COL19A1: variants seen among roughly 807,000 people sequenced by gnomAD.
COL19A1 encodes the protein collagen type XIX alpha 1 chain.
Under a neutral mutation model 190.2 loss-of-function variants are expected in COL19A1, and 159 were observed. The observed-to-expected ratio is 0.84, with a 90% CI of 0.73 to 0.95. The LOEUF (loss-of-function observed/expected upper bound fraction) is 0.95, where lower values mean the gene tolerates loss of function less well. COL19A1 is among the 40% of genes least tolerant of loss of function. The pLI, the probability that COL19A1 is intolerant of heterozygous loss-of-function variation, is 0.00. For missense variants in COL19A1, 1,418 were observed against 1,431.9 expected, an observed-to-expected ratio of 0.99 and a Z score of 0.16; for synonymous variants, 509 against 458.9, an observed-to-expected ratio of 1.11 and a Z score of -1.39.
At chr6:70,065,542 G>A (rs1309024948) in intron 14 of COL19A1, among the ~76,000 whole-genome samples, 1 of 152,134 alleles carries the variant, frequency 6.6e-6, no homozygotes, top group Non-Finnish European at 1.5e-5. Context: ...CAGGATATAG[G>A]CATGGGCAAG....
chr6:70,061,047 A>C (rs1454124985), intron 14 of COL19A1, among the ~76,000 whole-genome samples: 3 of 152,180 alleles, frequency 2.0e-5, no homozygotes, highest in African/African-American at 4.8e-5. Flanking sequence ...ACTGGAGGTT[A>C]AGTATGTCTG....
chr6:70,145,801 GCC>G (rs1786597923), intron 25 of COL19A1, among the ~76,000 whole-genome samples: 2 of 143,278 alleles, frequency 1.4e-5, no homozygotes, highest in Non-Finnish European at 3.0e-5. Context: ...GATCACTGCA[GCC>G]TCCACCTCCG....
At chr6:70,075,731 T>G (rs1781843850) in intron 15 of COL19A1, among the ~76,000 whole-genome samples, 1 of 151,890 alleles carries the variant, frequency 6.6e-6, no homozygotes, top group Non-Finnish European at 1.5e-5. Context: ...GTCTCTGCAG[T>G]GCACTTGAGA....
intron 11 of COL19A1, among the ~76,000 whole-genome samples, chr6:70,022,486 G>A (rs1778468569): frequency 6.6e-6 from 1 of 152,144 alleles, no homozygotes; most frequent in South Asian, 2.1e-4. Flanking sequence ...ATGGTGTGCA[G>A]GTAGGTAGGT....
At position 70,022,208 on chromosome 6, in the gene COL19A1, G is replaced by C. The variant is rs371500887; in HGVS notation, c.1027-1419G>C. ...ACAGAAAATATAAAGAAGAGAATAAGGCAAAGATTATTACTACTACTAACT... is the reference window on the plus strand; with the variant it reads ...ACAGAAAATATAAAGAAGAGAATAACGCAAAGATTATTACTACTACTAACT... On this transcript the variant is annotated intron_variant, in intron 11 of 50. Coordinates refer to ENST00000620364, the MANE Select transcript of COL19A1 (RefSeq NM_001858.6). Among the ~76,000 whole-genome samples, 3 of 152,196 alleles carry C rather than the reference G, an allele frequency of 2.0e-5. No individual in the cohort carries two copies. In the South Asian group the frequency reaches 6.2e-4, roughly 32 times the overall value.
At chr6:70,071,070 C>A (rs999520459) in intron 15 of COL19A1, among the ~76,000 whole-genome samples, 2 of 152,028 alleles carry the variant, frequency 1.3e-5, no homozygotes, top group Non-Finnish European at 2.9e-5. Context: ...TTAAACAAAT[C>A]ATTAACTTGT....
chr6:70,146,787 G>A, intron 26 of COL19A1, 25 bp from the exon 27 acceptor site: 4 of 1,590,212 alleles, frequency 2.5e-6, no homozygotes, highest in Non-Finnish European at 2.6e-6. Flanking sequence ...GAGCCTTGCA[G>A]TAACAGAAGC....
intron 4 of COL19A1, among the ~76,000 whole-genome samples, chr6:69,908,794 C>T (rs953301077): frequency 6.6e-6 from 1 of 152,068 alleles, no homozygotes; most frequent in East Asian, 1.9e-4. Context: ...AGTAATTAAT[C>T]ATATGTGTAT....
At chr6:69,954,460 G>T (rs143024770) in intron 9 of COL19A1, among the ~76,000 whole-genome samples, 1 of 151,964 alleles carries the variant, frequency 6.6e-6, no homozygotes, top group Non-Finnish European at 1.5e-5. Flanking sequence ...AGAAAACTTC[G>T]CTGAGGAAAG....
intron 15 of COL19A1, among the ~76,000 whole-genome samples, chr6:70,074,105 G>A (rs1781718101): frequency 6.6e-6 from 1 of 152,130 alleles, no homozygotes; most frequent in African/African-American, 2.4e-5. Context: ...AAGTGAAATT[G>A]TGCCCTCATA....
At chr6:70,068,249 CAAAG>C (rs1253206939) in intron 14 of COL19A1, among the ~76,000 whole-genome samples, 170 bp from the exon 15 acceptor site, 3 of 151,746 alleles carry the variant, frequency 2.0e-5, no homozygotes, top group Non-Finnish European at 4.4e-5. Flanking sequence ...AGAAGCCAGT[CAAAG>C]AAGGGCAATT....
rs1554184121 is a variant in COL19A1, at chr6:69,983,012, A to ATAAG, written c.1026+20145_1026+20146insGTAA. 1.2e-3 allele frequency among the ~76,000 whole-genome samples: 187 copies of ATAAG among 149,666 alleles called. 1 individual carries two copies. Among genetic ancestry groups the ATAAG allele is most frequent in the African/African-American group, 4.5e-3 (183 of 40,490 alleles). ...AATAAATAAATAAATAAATAAATAA[A>ATAAG]TAAATAAATATAAAATAAAATCAAC... is the stretch of plus-strand genomic sequence containing the variant. On this transcript the variant is annotated intron_variant, in intron 11 of 50. Coordinates refer to ENST00000620364, the MANE Select transcript of COL19A1 (RefSeq NM_001858.6).
At chr6:70,056,176 A>G (rs1780495145) in intron 14 of COL19A1, among the ~76,000 whole-genome samples, 1 of 152,184 alleles carries the variant, frequency 6.6e-6, no homozygotes, top group South Asian at 2.1e-4. Context: ...AAATTATGGA[A>G]AAAATTTGAA....
intron 4 of COL19A1, among the ~76,000 whole-genome samples, chr6:69,901,065 C>T (rs1410737692): frequency 7.9e-5 from 12 of 152,172 alleles, no homozygotes; most frequent in Non-Finnish European, 1.5e-5. Flanking sequence ...GCAGGTAGCA[C>T]ATATGGTCAG....
chr6:70,020,219 A>G (rs1778342709), intron 11 of COL19A1, among the ~76,000 whole-genome samples: 1 of 152,102 alleles, frequency 6.6e-6, no homozygotes, highest in African/African-American at 2.4e-5. Context: ...AACACAAAAT[A>G]TCTTTGCATA....
chr6:70,127,004 T>C (rs1319364250), intron 17 of COL19A1, among the ~76,000 whole-genome samples: 1 of 152,248 alleles, frequency 6.6e-6, no homozygotes, highest in African/African-American at 2.4e-5. Flanking sequence ...TAGAGATTAC[T>C]GGCTCATTTG....
At chr6:69,984,944 G>A (rs914983337) in intron 11 of COL19A1, among the ~76,000 whole-genome samples, 2 of 152,142 alleles carry the variant, frequency 1.3e-5, no homozygotes, top group African/African-American at 4.8e-5. Context: ...TAATGCAAAT[G>A]TAATAACCAA....
rs556208629 is a variant in COL19A1 at position 70,035,894 on chromosome 6, T to C, written c.1135-10T>C. ...AGTGGTAATTGTAGCTTTTCTTTAATCTATTTTAGGGAGATACAGGACCCC... is the reference window on the plus strand; with the variant it reads ...AGTGGTAATTGTAGCTTTTCTTTAACCTATTTTAGGGAGATACAGGACCCC... On this transcript the variant is annotated splice_polypyrimidine_tract_variant and intron_variant, in intron 13 of 50. Coordinates refer to ENST00000620364, the MANE Select transcript of COL19A1 (RefSeq NM_001858.6). The C allele has an allele frequency of 2.9e-5, 46 of 1,611,098 alleles. No homozygotes were observed. In the South Asian group the frequency reaches 5.0e-4, roughly 17 times the overall value.
intron 11 of COL19A1, among the ~76,000 whole-genome samples, chr6:69,965,691 A>G (rs983506803): frequency 6.6e-6 from 1 of 152,194 alleles, no homozygotes; most frequent in African/African-American, 2.4e-5. Context: ...TCTCTCAGAA[A>G]GGTTGTTGGT....
Sources: gnomAD v4.1 joint callset for allele counts (sites outside exome capture counted in the v4.1 genomes callset) on GRCh38, gnomAD v4.1.1 for gene constraint, MANE v1.5 for transcripts, NCBI Gene and HGNC (gene_info 2026-07-23, HGNC 2026-07-21) for gene names.